Variants in PC observed in about 807,000 individuals in gnomAD.
PC encodes the protein pyruvate carboxylase.
Under a neutral mutation model 107.8 loss-of-function variants are expected in PC, and 46 were observed. The observed-to-expected ratio is 0.43, with a 90% CI of 0.34 to 0.55. The LOEUF is 0.55. Among genes scored for constraint, PC ranks in the 20% least tolerant of loss-of-function variants. PC has a pLI of 0.04. For synonymous variants in PC, 662 were observed against 684.7 expected, an observed-to-expected ratio of 0.97 and a Z score of 0.52; for missense variants, 1,241 against 1,643.1, an observed-to-expected ratio of 0.76 and a Z score of 4.23.
intron 12 of PC, among the ~76,000 whole-genome samples, chr11:66,861,179 G>C (rs1367701850): frequency 6.6e-6 from 1 of 152,188 alleles, no homozygotes; most frequent in Non-Finnish European, 1.5e-5. Context: ...CACGAGCCCT[G>C]CTTTCTCTGC....
intron 3 of PC, among the ~76,000 whole-genome samples, chr11:66,929,259 C>T (rs936766271): frequency 1.3e-4 from 20 of 152,172 alleles, no homozygotes; most frequent in African/African-American, 3.9e-4. Flanking sequence ...TCTGTCTCAT[C>T]GCTGTGGTGC....
chr11:66,866,633 C>T lies in PC; in HGVS notation c.1023-284G>A, dbSNP rs2135919473. 6.6e-6 allele frequency among the ~76,000 whole-genome samples: 1 copy of T among 152,304 alleles called. No homozygotes were observed. Among genetic ancestry groups the T allele is most frequent in the Non-Finnish European group, 1.5e-5 (1 of 68,024 alleles). On this transcript the variant is annotated intron_variant, in intron 10 of 22. Transcript: ENST00000393960. The surrounding 1 kb of genome is among the most constrained non-coding windows in gnomAD (Gnocchi z 5.4). Reference sequence around the variant, plus strand: ...CTCCTGCATTCCTGACTCACGGTGCCGTCCACACAGCCCTAAGCTGCTCCT... The same window carrying T: ...CTCCTGCATTCCTGACTCACGGTGCTGTCCACACAGCCCTAAGCTGCTCCT...
At position 66,871,465 on chromosome 11, in the gene PC, C is replaced by T; in HGVS notation, c.337G>A (p.Ala113Thr). The stretch of plus-strand genomic sequence containing the variant: ...AGGAACCCGTAGCCAGGGTGCACTG[C>T]ATCTACGTTGTTCTCCTGCAGGTGG... Reference protein sequence around the residue: ...IKVAKENNVDAVHPGYGFLSE... With the variant: ...IKVAKENNVDTVHPGYGFLSE... Residue 113 changes from alanine to threonine, a missense_variant, in exon 6 of 23, where the codon GCA becomes ACA. Around this residue, in one of 2 missense-constraint regions of PC, gnomAD observed 1,143 missense variants for 1,551.9 expected, o/e 0.74. Transcript: ENST00000393960. The surrounding 1 kb of genome is among the most constrained non-coding windows in gnomAD (Gnocchi z 7.4). 4.3e-6 allele frequency: 7 copies of T among 1,613,398 alleles called. No individual in the cohort carries two copies. The highest frequency in any genetic ancestry group is 5.9e-6 in the Non-Finnish European group (7 of 1,180,030).
chr11:66,944,839 C>A (rs7107365), intron 3 of PC, among the ~76,000 whole-genome samples: 7,300 of 116,236 alleles, frequency 0.063, 2,259 homozygotes, highest in African/African-American at 0.21. Context: ...CAGACATCAA[C>A]GGAGAGGTCA....
chr11:66,855,070 C>T (rs565307021), intron 12 of PC, among the ~76,000 whole-genome samples: 10 of 152,368 alleles, frequency 6.6e-5, no homozygotes, highest in African/African-American at 2.2e-4. Context: ...CAGGGCTGAG[C>T]GCAGACCCAC....
rs983603393 is a variant in PC at position 66,858,405 on chromosome 11, G to C, written c.1369-5022C>G. 1 of 1,559,038 alleles carries C rather than the reference G, an allele frequency of 6.4e-7. No individual in the cohort carries two copies. Among genetic ancestry groups the C allele is most frequent in the South Asian group, 1.2e-5 (1 of 86,460 alleles). ...GCTTTTCTCTCGTGGGCGTGATGCA[G>C]AGGCCTCTCCCGCCCCCCTGGTGCT... On this transcript the variant is annotated intron_variant, in intron 12 of 22. Coordinates refer to ENST00000393960, the MANE Select transcript of PC (RefSeq NM_001040716.2). The surrounding 1 kb of genome is among the most constrained non-coding windows in gnomAD (Gnocchi z 5.9).
At chr11:66,878,078 T>A (rs1186010107) in intron 3 of PC, among the ~76,000 whole-genome samples, 1 of 152,164 alleles carries the variant, frequency 6.6e-6, no homozygotes, top group Admixed American at 6.5e-5. Context: ...AGGGAGCTCC[T>A]GCTACACCGA....
In PC at chr11:66,858,364, C is replaced by A; in HGVS notation, c.1369-4981G>T. The A allele has an allele frequency of 6.3e-7, 1 of 1,590,476 alleles. No individual in the cohort carries two copies. The highest frequency in any genetic ancestry group is 8.5e-7 in the Non-Finnish European group (1 of 1,172,530). On this transcript the variant is annotated intron_variant, in intron 12 of 22. Coordinates refer to ENST00000393960, the MANE Select transcript of PC (RefSeq NM_001040716.2). This position sits in a 1 kb window ranked among gnomAD's most constrained non-coding sequence, Gnocchi z 5.9. ...GACCTCACCTCCAACCGCCTGGCCACGCTGGCTCCGGACCCGCTTTTCTCT... is the reference window on the plus strand; with the variant it reads ...GACCTCACCTCCAACCGCCTGGCCAAGCTGGCTCCGGACCCGCTTTTCTCT...
chr11:66,940,079 T>C (rs1302468478), intron 3 of PC, among the ~76,000 whole-genome samples: 2 of 152,078 alleles, frequency 1.3e-5, no homozygotes, highest in African/African-American at 4.8e-5. Context: ...TGTAAAAATT[T>C]TGTGCATCAA....
intron 12 of PC, 89 bp from the exon 13 acceptor site, chr11:66,853,472 G>A (rs1215765935): frequency 1.3e-6 from 2 of 1,504,626 alleles, no homozygotes; most frequent in East Asian, 2.3e-5. Context: ...AAAGGCTGAA[G>A]ATGCTGCCCT....
intron 3 of PC, among the ~76,000 whole-genome samples, chr11:66,922,607 G>A (rs1329762182): frequency 2.0e-5 from 3 of 150,188 alleles, no homozygotes; most frequent in African/African-American, 7.4e-5. Flanking sequence ...ACTTCCAGAG[G>A]TGCATCCACA....
intron 3 of PC, among the ~76,000 whole-genome samples, chr11:66,892,750 G>C (rs1947622549): frequency 6.6e-6 from 1 of 152,164 alleles, no homozygotes; most frequent in Non-Finnish European, 1.5e-5. Flanking sequence ...AGCTACTCGG[G>C]AGGCTGAGGC....
At position 66,871,729 on chromosome 11, in the gene PC, C is replaced by T; in HGVS notation, c.279G>A (p.Val93=). The T allele has an allele frequency of 6.3e-7, 1 of 1,574,832 alleles. No individual in the cohort carries two copies. Among genetic ancestry groups the T allele is most frequent in the Middle Eastern group, 1.7e-4 (1 of 6,024 alleles). Residue 93 remains valine (V), a synonymous_variant, in exon 5 of 23, where the codon GTG becomes GTA. Transcript: ENST00000393960. The surrounding 1 kb of genome is among the most constrained non-coding windows in gnomAD (Gnocchi z 7.4). The part of the protein sequence containing the change: ...AYLIGRGLAP[V]QAYLHIPDII... ...TGTCTGGGATGTGCAGGTAGGCCTGCACGGGGGCCAGGCCGCGGCCGATGA... is the reference window on the plus strand; with the variant it reads ...TGTCTGGGATGTGCAGGTAGGCCTGTACGGGGGCCAGGCCGCGGCCGATGA...
At position 66,866,075 on chromosome 11, in the gene PC, G is replaced by T; in HGVS notation, c.1185+112C>A. 8.2e-7 allele frequency: 1 copy of T among 1,212,422 alleles called. No individual in the cohort carries two copies. The highest frequency in any genetic ancestry group is 1.2e-6 in the Non-Finnish European group (1 of 851,278). 75.1% of individuals were successfully genotyped at this position (1,212,422 alleles called of 1,614,324 possible). ...TCTATGTCCACTTCAGAGCCCACAT[G>T]CGGGTCCTCCCTAACTGCCGGGCTG... On this transcript the variant is annotated intron_variant, in intron 11 of 22. Transcript: ENST00000393960. The surrounding 1 kb of genome is among the most constrained non-coding windows in gnomAD (Gnocchi z 5.4).
chr11:66,950,775 G>T (rs1238550368), intron 3 of PC, among the ~76,000 whole-genome samples: 1 of 152,138 alleles, frequency 6.6e-6, no homozygotes, highest in African/African-American at 2.4e-5. Flanking sequence ...CAGCATCTTG[G>T]ATTCTGCTAA....
chr11:66,911,492 T>TGAG (rs1297292205), intron 3 of PC, among the ~76,000 whole-genome samples: 1 of 151,556 alleles, frequency 6.6e-6, no homozygotes, highest in Non-Finnish European at 1.5e-5. Flanking sequence ...CTCTGGATAC[T>TGAG]GAGGCAGGAG....
chr11:66,914,301 C>G (rs1031527696), intron 3 of PC, among the ~76,000 whole-genome samples: 12 of 152,162 alleles, frequency 7.9e-5, no homozygotes, highest in Admixed American at 2.6e-4. Flanking sequence ...CACCTGAGGT[C>G]AGGAGTTCGA....
rs1208989779 is a variant in PC, at chr11:66,857,721, G to A, written c.1369-4338C>T. Reference sequence around the variant, plus strand: ...CAGCCCCACCTGTGCCTGGGCTGTGGCCCCTTCCTACAGGGCGCTCACCAT... The same window carrying A: ...CAGCCCCACCTGTGCCTGGGCTGTGACCCCTTCCTACAGGGCGCTCACCAT... On this transcript the variant is annotated intron_variant, in intron 12 of 22. Coordinates refer to ENST00000393960, the MANE Select transcript of PC (RefSeq NM_001040716.2). This position sits in a 1 kb window ranked among gnomAD's most constrained non-coding sequence, Gnocchi z 7.1. The A allele has an allele frequency of 6.3e-7, 1 of 1,574,962 alleles. No individual in the cohort carries two copies. The highest frequency in any genetic ancestry group is 1.1e-5 in the South Asian group (1 of 88,414).
At chr11:66,865,710 G>A (rs928169735) in intron 11 of PC, among the ~76,000 whole-genome samples, 6 of 151,956 alleles carry the variant, frequency 3.9e-5, no homozygotes, top group South Asian at 2.1e-4. Flanking sequence ...CGCCATCTCC[G>A]ACTCCCTCCC....
Sources: allele counts gnomAD v4.1 joint callset (sites outside exome capture counted in the v4.1 genomes callset), GRCh38; gene constraint gnomAD v4.1.1; regional missense constraint gnomAD v4.1.1; non-coding constraint Gnocchi (gnomAD v3.1); transcripts MANE v1.5; gene names NCBI Gene and HGNC (gene_info 2026-07-23, HGNC 2026-07-21).